Variants in JAKMIP2 observed in about 807,000 individuals in gnomAD.
JAKMIP2 encodes the protein janus kinase and microtubule interacting protein 2, also known as janus kinase and microtubule-interacting protein 2.
A neutral mutation model predicts 115.0 loss-of-function variants in JAKMIP2; 25 were observed. That is an observed-to-expected ratio of 0.22 (90% CI 0.16 to 0.30). The LOEUF is 0.30. Among genes scored for constraint, JAKMIP2 ranks in the 10% least tolerant of loss-of-function variants. The probability of loss-of-function intolerance (pLI) is 1.00; values close to 1 mark genes in which losing one functional copy is unlikely to be tolerated. For missense variants in JAKMIP2, 642 were observed against 957.6 expected, an observed-to-expected ratio of 0.67 and a Z score of 4.35; for synonymous variants, 334 against 343.6, an observed-to-expected ratio of 0.97 and a Z score of 0.31.
intron 1 of JAKMIP2, among the ~76,000 whole-genome samples, 165 bp downstream of exon 1, chr5:147,782,291 C>G (rs1435091660): frequency 6.6e-6 from 1 of 151,962 alleles, no homozygotes; most frequent in Non-Finnish European, 1.5e-5. Flanking sequence ...TCACTTCTCT[C>G]TTCCTGGCAA....
chr5:147,756,402 C>T (rs545867061), intron 1 of JAKMIP2, among the ~76,000 whole-genome samples: 264 of 152,246 alleles, frequency 1.7e-3, no homozygotes, highest in Middle Eastern at 6.8e-3. Flanking sequence ...TTATTGCAGA[C>T]GTTACCTTCT....
chr5:147,695,188 G>A (rs551570790), intron 1 of JAKMIP2, among the ~76,000 whole-genome samples: 2 of 152,240 alleles, frequency 1.3e-5, no homozygotes, highest in Admixed American at 1.3e-4. Context: ...TGGCAGTTTA[G>A]GGACAGTTGC....
At chr5:147,627,635 G>A (rs1285042532) in intron 16 of JAKMIP2, among the ~76,000 whole-genome samples, 2 of 115,648 alleles carry the variant, frequency 1.7e-5, no homozygotes, top group Non-Finnish European at 3.3e-5. Flanking sequence ...TATTTCACAT[G>A]TAAATACTTC....
intron 18 of JAKMIP2, among the ~76,000 whole-genome samples, chr5:147,619,130 A>G (rs1217367748): frequency 3.3e-5 from 5 of 152,086 alleles, no homozygotes; most frequent in Admixed American, 2.0e-4. Context: ...AAAATCTACA[A>G]TCTTATCCCT....
chr5:147,697,032 C>T (rs1033272050), intron 1 of JAKMIP2, among the ~76,000 whole-genome samples: 9 of 152,036 alleles, frequency 5.9e-5, no homozygotes, highest in Admixed American at 1.3e-4. Flanking sequence ...AAGAAAAACC[C>T]ATTTTCTCGG....
rs1561592417 is a variant in JAKMIP2, at chr5:147,782,498, C to A, written c.-191G>T. On this transcript the variant is annotated 5_prime_UTR_variant, in exon 1 of 22. Coordinates refer to ENST00000616793, the MANE Select transcript of JAKMIP2 (RefSeq NM_001270941.2). ...AAGCTGTTTAAAGGAGGGAGAGATGCAAACTGAATCCATTTTCCTTGTGAC... is the reference window on the plus strand; with the variant it reads ...AAGCTGTTTAAAGGAGGGAGAGATGAAAACTGAATCCATTTTCCTTGTGAC... 6.5e-6 allele frequency: 10 copies of A among 1,535,078 alleles called. No individual in the cohort carries two copies. The highest frequency in any genetic ancestry group is 8.7e-6 in the Non-Finnish European group (10 of 1,145,998).
chr5:147,691,257 C>T (rs1437787442), intron 1 of JAKMIP2, among the ~76,000 whole-genome samples: 2 of 152,084 alleles, frequency 1.3e-5, no homozygotes, highest in Non-Finnish European at 2.9e-5. Flanking sequence ...CCCACCCTCT[C>T]CATTGTGCAC....
chr5:147,644,938 C>T lies in JAKMIP2; in HGVS notation c.995G>A (p.Cys332Tyr). 2.5e-6 allele frequency: 4 copies of T among 1,613,830 alleles called. No homozygotes were observed. The highest frequency in any genetic ancestry group is 3.4e-6 in the Non-Finnish European group (4 of 1,179,810). ...CAGTTCATCGTTTCTCTTGGCGAGG[C>T]ACTTGTTCCTTTCCAGGAGAGGTTT... ...QCKPLLERNK[C>Y]LAKRNDELMV... The change falls in exon 6 of 22, where the codon TGC (cysteine) becomes TAC (tyrosine). Residue 332 changes from cysteine to tyrosine, a missense_variant. Coordinates refer to ENST00000616793, the MANE Select transcript of JAKMIP2 (RefSeq NM_001270941.2).
intron 21 of JAKMIP2, among the ~76,000 whole-genome samples, chr5:147,597,207 G>A (rs147299688): frequency 2.6e-5 from 4 of 152,014 alleles, no homozygotes; most frequent in Non-Finnish European, 5.9e-5. Context: ...TCTAAATGAC[G>A]AATATAATAG....
intron 10 of JAKMIP2, among the ~76,000 whole-genome samples, chr5:147,639,238 T>C (rs2126711723): frequency 6.6e-6 from 1 of 152,332 alleles, no homozygotes; most frequent in South Asian, 2.1e-4. Context: ...TTCTGGTAAG[T>C]TGTCATACGT....
chr5:147,747,122 G>A (rs761785727), intron 1 of JAKMIP2, among the ~76,000 whole-genome samples: 7 of 152,042 alleles, frequency 4.6e-5, no homozygotes, highest in Non-Finnish European at 7.4e-5. Flanking sequence ...AACCCAATGA[G>A]TCATGAGGAG....
intron 1 of JAKMIP2, among the ~76,000 whole-genome samples, chr5:147,750,300 G>A (rs757850209): frequency 1.3e-4 from 20 of 152,120 alleles, no homozygotes; most frequent in African/African-American, 3.6e-4. Context: ...AAACAGCTGC[G>A]TTCTTAACCC....
intron 1 of JAKMIP2, among the ~76,000 whole-genome samples, chr5:147,702,865 A>G (rs1752430361): frequency 6.6e-6 from 1 of 152,094 alleles, no homozygotes; most frequent in South Asian, 2.1e-4. Flanking sequence ...GTTTTGGCAA[A>G]CTGCAAAAGA....
chr5:147,771,817 C>A (rs1755366981), intron 1 of JAKMIP2, among the ~76,000 whole-genome samples: 1 of 152,062 alleles, frequency 6.6e-6, no homozygotes, highest in Admixed American at 6.6e-5. Context: ...GGGACCAGGG[C>A]TAACAATTGG....
At chr5:147,751,591 AC>A (rs1286076615) in intron 1 of JAKMIP2, among the ~76,000 whole-genome samples, 1 of 141,764 alleles carries the variant, frequency 7.1e-6, no homozygotes, top group Admixed American at 7.8e-5. Flanking sequence ...CTCCCTCTAG[AC>A]ATTAAGCAAG....
chr5:147,644,893 A>G lies in JAKMIP2; in HGVS notation c.1040T>C (p.Met347Thr), dbSNP rs1324143398. ...GGTAACGGCTTTTAGTTTTTCTTCCATGCGCTGCAAGGACACCATCAGTTC... is the reference window on the plus strand; with the variant it reads ...GGTAACGGCTTTTAGTTTTTCTTCCGTGCGCTGCAAGGACACCATCAGTTC... ...NDELMVSLQRMEEKLKAVTKE... is the reference protein window; with the variant it reads ...NDELMVSLQRTEEKLKAVTKE... Residue 347 changes from methionine to threonine, a missense_variant, in exon 6 of 22, where the codon ATG becomes ACG. Transcript: ENST00000616793. 6.2e-7 allele frequency: 1 copy of G among 1,613,342 alleles called. No homozygotes were observed. Among genetic ancestry groups the G allele is most frequent in the South Asian group, 1.1e-5 (1 of 91,046 alleles).
rs779801832 is a variant in JAKMIP2, at chr5:147,648,509, C to T, written c.838-35G>A. The T allele has an allele frequency of 1.3e-5, 15 of 1,162,926 alleles. No homozygotes were observed. The Admixed American group carries it at 2.6e-4, about 20-fold the overall frequency. The allele number at this position is 1,162,926 out of a possible 1,614,324, so 72.0% of individuals were successfully genotyped here. On this transcript the variant is annotated intron_variant, in intron 4 of 21. Transcript: ENST00000616793. ...AAAATTAAAATGGGTATTTCTTCAA[C>T]AACACTTTTCACAAAGTTTGGGAAT...
chr5:147,620,667 A>G lies in JAKMIP2; in HGVS notation c.2141T>C (p.Met714Thr). 1 of 1,609,990 alleles carries G rather than the reference A, an allele frequency of 6.2e-7. No homozygotes were observed. Among genetic ancestry groups the G allele is most frequent in the Middle Eastern group, 1.7e-4 (1 of 6,046 alleles). Residue 714 changes from methionine (M) to threonine (T), a missense_variant and splice_region_variant, in exon 18 of 22, where the codon ATG becomes ACG. This residue lies in a region of JAKMIP2 where 68 missense variants were observed against 104.6 expected (regional missense o/e 0.65). Coordinates refer to ENST00000616793, the MANE Select transcript of JAKMIP2 (RefSeq NM_001270941.2). Reference sequence around the variant, plus strand: ...GTCTCTATCACTTGTTGTACCTACCATATATGCTTGGTCAAGAGCTTGTTT... The same window carrying G: ...GTCTCTATCACTTGTTGTACCTACCGTATATGCTTGGTCAAGAGCTTGTTT... ...YRKQALDQAY[M>T]RIQELEATLY...
chr5:147,755,017 G>A (rs562866905), intron 1 of JAKMIP2, among the ~76,000 whole-genome samples: 19 of 152,236 alleles, frequency 1.2e-4, no homozygotes, highest in African/African-American at 4.3e-4. Context: ...AGTAAACTGG[G>A]TACAGATTTT....
Sources: gnomAD v4.1 joint callset for allele counts (sites outside exome capture counted in the v4.1 genomes callset) on GRCh38, gnomAD v4.1.1 for gene constraint, gnomAD v4.1.1 regional missense constraint, MANE v1.5 for transcripts, NCBI Gene and HGNC (gene_info 2026-07-23, HGNC 2026-07-21) for gene names.